FHIT: variants seen among roughly 807,000 people sequenced by gnomAD.
FHIT encodes the protein bis(5'-adenosyl)-triphosphatase.
A neutral mutation model predicts 17.9 loss-of-function variants in FHIT; 19 were observed. The observed-to-expected ratio is 1.06, with a 90% CI of 0.74 to 1.56. The LOEUF is 1.56. Ranked by LOEUF, FHIT falls within the 40% of genes most tolerant of loss-of-function variation. The pLI, the probability that FHIT is intolerant of heterozygous loss-of-function variation, is 0.00. For missense variants in FHIT, 248 were observed against 189.2 expected (o/e 1.31, Z -1.82); for synonymous variants, 81 against 69.7 (o/e 1.16, Z -0.81).
chr3:60,859,808 C>A lies in FHIT; in HGVS notation c.-110-37797G>T, dbSNP rs1387770110. Among the ~76,000 whole-genome samples the A allele has an allele frequency of 2.6e-5, 3 of 114,398 alleles. No homozygotes were observed. In the Admixed American group the frequency reaches 4.0e-4, roughly 15 times the overall value. The allele number at this position is 114,398 out of a possible 152,430, so 75.0% of individuals were successfully genotyped here. A position where few individuals can be genotyped will look rare whatever the true frequency, so the allele number is the denominator to read the frequency against. The stretch of plus-strand genomic sequence containing the variant: ...CCTGTAATCCCAGCCCTTTGGGAAG[C>A]TGAGGTGGGTGGATCACTTGAGGTC... On this transcript the variant is annotated intron_variant, in intron 3 of 9. Transcript: ENST00000492590.
chr3:60,679,851 G>A (rs191189277), intron 4 of FHIT, among the ~76,000 whole-genome samples: 371 of 152,030 alleles, frequency 2.4e-3, no homozygotes, highest in African/African-American at 8.7e-3. Context: ...TTATATAATG[G>A]TATTAGATTG....
chr3:60,094,398 A>G (rs1703853954), intron 5 of FHIT, among the ~76,000 whole-genome samples: 2 of 151,784 alleles, frequency 1.3e-5, no homozygotes, highest in Admixed American at 1.3e-4. Context: ...TCACAGTTTT[A>G]GTGACAGGGC....
intron 4 of FHIT, among the ~76,000 whole-genome samples, chr3:60,609,844 C>T (rs1553672796): frequency 6.6e-6 from 1 of 152,100 alleles, no homozygotes; most frequent in African/African-American, 2.4e-5. Flanking sequence ...GCTATCTCAA[C>T]AATATACTGC....
chr3:60,140,433 A>G (rs922785868), intron 5 of FHIT, among the ~76,000 whole-genome samples: 1 of 152,102 alleles, frequency 6.6e-6, no homozygotes, highest in African/African-American at 2.4e-5. Flanking sequence ...AGTGAGGGGG[A>G]AAAAGTTGCT....
At chr3:60,946,289 G>A (rs541535841) in intron 3 of FHIT, among the ~76,000 whole-genome samples, 2 of 152,268 alleles carry the variant, frequency 1.3e-5, no homozygotes, top group East Asian at 3.9e-4. Flanking sequence ...ATACTTTGAA[G>A]GTTAGCATGG....
chr3:60,092,485 C>G (rs1703774359), intron 5 of FHIT, among the ~76,000 whole-genome samples: 1 of 152,156 alleles, frequency 6.6e-6, no homozygotes, highest in South Asian at 2.1e-4. Flanking sequence ...TTTACAATGT[C>G]TACATTAAGG....
chr3:60,405,661 T>C (rs1350845178), intron 5 of FHIT, among the ~76,000 whole-genome samples: 1 of 152,154 alleles, frequency 6.6e-6, no homozygotes. Context: ...GGTCCCCAAC[T>C]GGCAAAGAGA....
chr3:60,734,347 A>G (rs1291794286), intron 4 of FHIT, among the ~76,000 whole-genome samples: 2 of 152,182 alleles, frequency 1.3e-5, no homozygotes, highest in African/African-American at 4.8e-5. Flanking sequence ...TATTATTCAA[A>G]AGCCAGAGAA....
At chr3:60,157,897 CTT>C (rs145368349) in intron 5 of FHIT, among the ~76,000 whole-genome samples, 2,946 of 152,128 alleles carry the variant, frequency 0.019, 80 homozygotes, top group African/African-American at 0.063. Context: ...CTTGTGAAGA[CTT>C]TGTCTTCAGG....
At chr3:60,168,624 C>T (rs984458484) in intron 5 of FHIT, among the ~76,000 whole-genome samples, 10 of 152,156 alleles carry the variant, frequency 6.6e-5, no homozygotes, top group Non-Finnish European at 1.2e-4. Flanking sequence ...TTATTGACTT[C>T]ACTTTCAAAG....
At chr3:60,011,226 G>T (rs1700123836) in intron 7 of FHIT, 145 bp downstream of exon 7, 6 of 680,030 alleles carry the variant, frequency 8.8e-6, no homozygotes, top group South Asian at 5.7e-5. Flanking sequence ...ATAATGTCAG[G>T]ATTTACGGCT....
At chr3:60,764,596 A>T (rs1699784613) in intron 4 of FHIT, among the ~76,000 whole-genome samples, 1 of 152,204 alleles carries the variant, frequency 6.6e-6, no homozygotes, top group African/African-American at 2.4e-5. Flanking sequence ...CTTTCTATTT[A>T]TAAGTCTCAG....
intron 4 of FHIT, among the ~76,000 whole-genome samples, chr3:60,657,475 T>C (rs28581589): frequency 0.052 from 7,968 of 152,180 alleles, 706 homozygotes; most frequent in African/African-American, 0.18. Context: ...TTTTGCAAAC[T>C]TAGGTGTCTG....
chr3:60,254,204 A>C (rs1705868066), intron 5 of FHIT, among the ~76,000 whole-genome samples: 5 of 152,142 alleles, frequency 3.3e-5, no homozygotes. Flanking sequence ...CCAAAGCAAG[A>C]CCTAACCCTT....
intron 4 of FHIT, among the ~76,000 whole-genome samples, chr3:60,573,683 G>A (rs1480224824): frequency 6.6e-6 from 1 of 152,148 alleles, no homozygotes; most frequent in Non-Finnish European, 1.5e-5. Flanking sequence ...TCCGTTCAAG[G>A]CTGGGTGAGA....
chr3:60,833,272 A>C (rs1226638678), intron 3 of FHIT, among the ~76,000 whole-genome samples: 2 of 152,132 alleles, frequency 1.3e-5, no homozygotes, highest in African/African-American at 4.8e-5. Context: ...CTCCTGGGGA[A>C]GTAGGGAGGG....
intron 3 of FHIT, among the ~76,000 whole-genome samples, chr3:60,861,985 T>A (rs1484749135): frequency 1.4e-5 from 2 of 147,462 alleles, no homozygotes; most frequent in South Asian, 2.1e-4. Flanking sequence ...TTTGGTAACC[T>A]AGAATAAAAT....
At chr3:59,759,270 G>GTGA (rs1198848911) in intron 8 of FHIT, among the ~76,000 whole-genome samples, 1 of 119,152 alleles carries the variant, frequency 8.4e-6, no homozygotes, top group Non-Finnish European at 1.7e-5. Flanking sequence ...TATTTTTGGT[G>GTGA]TGATGAGAAG....
chr3:60,193,312 T>C (rs1197280007), intron 5 of FHIT, among the ~76,000 whole-genome samples: 1 of 152,090 alleles, frequency 6.6e-6, no homozygotes, highest in Non-Finnish European at 1.5e-5. Flanking sequence ...TCAGCACCCT[T>C]AGGTTTCAAT....
Sources: gnomAD v4.1 joint callset for allele counts (sites outside exome capture counted in the v4.1 genomes callset) on GRCh38, gnomAD v4.1.1 for gene constraint, MANE v1.5 for transcripts, NCBI Gene and HGNC (gene_info 2026-07-23, HGNC 2026-07-21) for gene names.